Variants in ENOX1 observed in about 807,000 individuals in gnomAD.
ENOX1 encodes ecto-NOX disulfide-thiol exchanger 1.
ENOX1 carries 42 observed loss-of-function variants against 82.5 expected under a neutral mutation model. The ratio of observed to expected loss-of-function variants is 0.51; its 90% confidence interval spans 0.40 to 0.66. ENOX1 has a LOEUF of 0.66. Among genes scored for constraint, ENOX1 ranks in the 30% least tolerant of loss-of-function variants. The pLI, the probability that ENOX1 is intolerant of heterozygous loss-of-function variation, is 0.00. For synonymous variants in ENOX1, 271 were observed against 282.2 expected, an observed-to-expected ratio of 0.96 and a Z score of 0.40; for missense variants, 608 against 811.6, an observed-to-expected ratio of 0.75 and a Z score of 3.05.
At chr13:43,518,339 C>G (rs930451855) in intron 2 of ENOX1, among the ~76,000 whole-genome samples, 3 of 151,924 alleles carry the variant, frequency 2.0e-5, no homozygotes, top group Non-Finnish European at 1.5e-5. Flanking sequence ...CTCTCCCATA[C>G]CTTACTACCA....
chr13:43,387,433 G>A (rs992957548), intron 5 of ENOX1, among the ~76,000 whole-genome samples: 5 of 152,138 alleles, frequency 3.3e-5, no homozygotes, highest in Admixed American at 2.6e-4. Context: ...AACCTAGCAT[G>A]TTTCAGAAGT....
At chr13:43,551,900 A>AT (rs1029496114) in intron 2 of ENOX1, among the ~76,000 whole-genome samples, 3 of 152,098 alleles carry the variant, frequency 2.0e-5, no homozygotes, top group Non-Finnish European at 4.4e-5. Context: ...GCAGGCCTTA[A>AT]TTTTTTTCCA....
At position 43,445,284 on chromosome 13, in the gene ENOX1, T is replaced by C. The variant is rs111811055; in HGVS notation, c.-74-32296A>G. ...GACTACAGGCACCCACCACCACGCC[T>C]GGCTAATTTTTTGTATTTTTAGTAG... On this transcript the variant is annotated intron_variant, in intron 3 of 16. Coordinates refer to ENST00000690772, the MANE Select transcript of ENOX1 (RefSeq NM_001347969.2). 1.2e-3 allele frequency among the ~76,000 whole-genome samples: 181 copies of C among 151,892 alleles called. 2 individuals are homozygous for C. Among genetic ancestry groups the C allele is most frequent in the East Asian group, 7.2e-3 (37 of 5,136 alleles).
At chr13:43,606,790 C>T (rs896368178) in intron 2 of ENOX1, among the ~76,000 whole-genome samples, 9 of 151,490 alleles carry the variant, frequency 5.9e-5, no homozygotes, top group African/African-American at 2.2e-4. Flanking sequence ...CTGAAGTGGG[C>T]GAATCATTGA....
At chr13:43,308,403 A>G (rs1395242254) in intron 11 of ENOX1, among the ~76,000 whole-genome samples, 2 of 151,912 alleles carry the variant, frequency 1.3e-5, no homozygotes, top group Admixed American at 6.6e-5. Flanking sequence ...CCTCACCTCA[A>G]CCCGTTTTGT....
intron 1 of ENOX1, among the ~76,000 whole-genome samples, chr13:43,745,354 T>C (rs368777657): frequency 3.3e-5 from 5 of 152,078 alleles, no homozygotes; most frequent in Non-Finnish European, 2.9e-5. Flanking sequence ...AAAAGCAAAA[T>C]ATAAAATGAT....
intron 15 of ENOX1, among the ~76,000 whole-genome samples, chr13:43,234,113 G>A (rs1019861653): frequency 6.6e-6 from 1 of 152,192 alleles, no homozygotes; most frequent in East Asian, 1.9e-4. Context: ...ATGGACGCAA[G>A]ATTCAGGTAT....
At chr13:43,570,022 T>C (rs1421553881) in intron 2 of ENOX1, among the ~76,000 whole-genome samples, 1 of 152,238 alleles carries the variant, frequency 6.6e-6, no homozygotes. Context: ...AACTTTGTCT[T>C]AATTTTCTGT....
intron 1 of ENOX1, among the ~76,000 whole-genome samples, chr13:43,715,383 T>C (rs1352723182): frequency 3.3e-5 from 5 of 152,100 alleles, no homozygotes; most frequent in Non-Finnish European, 2.9e-5. Context: ...CTGACAATTA[T>C]GTGTCTTGGA....
chr13:43,468,432 C>T (rs1186111475), intron 3 of ENOX1, among the ~76,000 whole-genome samples: 5 of 151,964 alleles, frequency 3.3e-5, no homozygotes, highest in African/African-American at 7.2e-5. Context: ...CTGCCCGCCT[C>T]GGCCTCCCAA....
At chr13:43,381,904 C>T (rs1272296308) in intron 5 of ENOX1, among the ~76,000 whole-genome samples, 3 of 151,928 alleles carry the variant, frequency 2.0e-5, no homozygotes, top group Admixed American at 1.3e-4. Flanking sequence ...GCCTAGATGA[C>T]TTTGCTAGAG....
chr13:43,349,540 A>G (rs1396799185), intron 8 of ENOX1, among the ~76,000 whole-genome samples: 1 of 140,936 alleles, frequency 7.1e-6, no homozygotes, highest in East Asian at 2.0e-4. Flanking sequence ...TACTTGGCAC[A>G]TAGTAGGCAT....
chr13:43,471,264 G>A (rs1010017458), intron 3 of ENOX1, among the ~76,000 whole-genome samples: 6 of 152,138 alleles, frequency 3.9e-5, no homozygotes, highest in African/African-American at 1.4e-4. Flanking sequence ...CCTGAAAGAA[G>A]TGATTTACTC....
chr13:43,361,362 A>G lies in ENOX1; in HGVS notation c.299T>C (p.Val100Ala). Reference sequence around the variant, plus strand: ...CACTTCTGTTGGTGGTGGGGGAGGTACCAGTCCAAGGCCTGGTATCATTGG... The same window carrying G: ...CACTTCTGTTGGTGGTGGGGGAGGTGCCAGTCCAAGGCCTGGTATCATTGG... ...INPMIPGLGL[V>A]PPPPPTEVAV... Residue 100 changes from valine (V) to alanine (A), a missense_variant, in exon 6 of 17, where the codon GTA becomes GCA. Val to Ala is a moderately conservative substitution (Grantham distance 64). Coordinates refer to ENST00000690772, the MANE Select transcript of ENOX1 (RefSeq NM_001347969.2). The G allele has an allele frequency of 6.2e-7, 1 of 1,614,040 alleles. No homozygotes were observed. The highest frequency in any genetic ancestry group is 1.1e-5 in the South Asian group (1 of 91,058).
chr13:43,291,785 C>G (rs189920018), intron 12 of ENOX1, among the ~76,000 whole-genome samples: 2 of 152,262 alleles, frequency 1.3e-5, no homozygotes, highest in African/African-American at 4.8e-5. Flanking sequence ...TCCAGAGACT[C>G]AATTAAAATA....
intron 14 of ENOX1, among the ~76,000 whole-genome samples, chr13:43,257,362 A>C (rs1466336106): frequency 6.6e-6 from 1 of 152,244 alleles, no homozygotes; most frequent in Non-Finnish European, 1.5e-5. Context: ...TTTGATCATT[A>C]TACATTATAT....
At position 43,341,251 on chromosome 13, in the gene ENOX1, G is replaced by C. The variant is rs527262447; in HGVS notation, c.1036+3287C>G. Among the ~76,000 whole-genome samples, 10 of 151,566 alleles carry C rather than the reference G, an allele frequency of 6.6e-5. No individual in the cohort carries two copies. In the East Asian group the frequency reaches 1.9e-3, roughly 29 times the overall value. Reference sequence around the variant, plus strand: ...GCAGAGGTTGCAGTGAGCCGAGATTGCACCACTGTACTCCAGCCTGGGTGA... The same window carrying C: ...GCAGAGGTTGCAGTGAGCCGAGATTCCACCACTGTACTCCAGCCTGGGTGA... On this transcript the variant is annotated intron_variant, in intron 9 of 16. Coordinates refer to ENST00000690772, the MANE Select transcript of ENOX1 (RefSeq NM_001347969.2).
chr13:43,244,745 C>T (rs1176431779), intron 14 of ENOX1, among the ~76,000 whole-genome samples: 1 of 152,146 alleles, frequency 6.6e-6, no homozygotes, highest in East Asian at 1.9e-4. Context: ...TCGACAAGAT[C>T]TATGTGGTAA....
chr13:43,335,860 AG>A (rs1313504661), intron 9 of ENOX1, among the ~76,000 whole-genome samples: 1 of 152,058 alleles, frequency 6.6e-6, no homozygotes, highest in African/African-American at 2.4e-5. Context: ...CCTGTGAAAC[AG>A]AACATTCTGT....
Sources: allele counts gnomAD v4.1 joint callset (sites outside exome capture counted in the v4.1 genomes callset), GRCh38; gene constraint gnomAD v4.1.1; transcripts MANE v1.5; gene names NCBI Gene and HGNC (gene_info 2026-07-23, HGNC 2026-07-21).